CAPN3: variants seen among roughly 807,000 people sequenced by gnomAD.
The protein encoded by CAPN3 is calpain-3.
CAPN3 carries 88 observed loss-of-function variants against 114.0 expected under a neutral mutation model. That is an observed-to-expected ratio of 0.77 (90% confidence interval 0.65 to 0.92). CAPN3 has a LOEUF of 0.92. CAPN3 is among the 40% of genes least tolerant of loss of function. CAPN3 has a pLI of 0.00. For synonymous variants in CAPN3, 386 were observed against 382.9 expected, an observed-to-expected ratio of 1.01 and a Z score of -0.09; for missense variants, 1,028 against 1,069.0, an observed-to-expected ratio of 0.96 and a Z score of 0.53.
chr15:42,365,446 G>A (rs940783486), intron 1 of CAPN3, among the ~76,000 whole-genome samples: 2 of 152,052 alleles, frequency 1.3e-5, no homozygotes, highest in Non-Finnish European at 1.5e-5. Context: ...GTTTCTCATC[G>A]CAACCTTCTG....
intron 15 of CAPN3, among the ~76,000 whole-genome samples, chr15:42,407,340 G>GTT (rs28364521): frequency 2.6e-5 from 4 of 151,596 alleles, no homozygotes; most frequent in Non-Finnish European, 4.4e-5. Context: ...GATATTTTTG[G>GTT]TTTTTTTTGA....
intron 1 of CAPN3, 106 bp downstream of exon 1, chr15:42,360,220 C>G: frequency 8.3e-7 from 1 of 1,209,758 alleles, no homozygotes; most frequent in Non-Finnish European, 1.2e-6. Context: ...GGGGAAGGAT[C>G]CTGGCAGCAG....
intron 1 of CAPN3, among the ~76,000 whole-genome samples, chr15:42,378,178 T>G (rs1406017082): frequency 6.6e-6 from 1 of 152,232 alleles, no homozygotes; most frequent in African/African-American, 2.4e-5. Context: ...TGGGCATTTA[T>G]TTAGCACAGT....
rs2141199370 is a variant in CAPN3 at position 42,401,649 on chromosome 15, T to C, written c.1363T>C (p.Trp455Arg). ...GGCRNFPDTF[W>R]TNPQYRLKLL... is the part of the protein sequence containing the mutation. ...CCTTTCTGGGGGTGCAGATACTTTCTGGACCAACCCTCAGTACCGTCTGAA... is the reference window on the plus strand; with the variant it reads ...CCTTTCTGGGGGTGCAGATACTTTCCGGACCAACCCTCAGTACCGTCTGAA... The change falls in exon 11 of 24, where the codon TGG becomes CGG. Residue 455 changes from tryptophan to arginine, a missense_variant. Trp to Arg is a moderately radical substitution (Grantham distance 101). Coordinates refer to ENST00000397163, the MANE Select transcript of CAPN3 (RefSeq NM_000070.3). 1 of 1,614,192 alleles carries C rather than the reference T, an allele frequency of 6.2e-7. No individual in the cohort carries two copies.
chr15:42,390,993 A>C (rs1382741982), intron 6 of CAPN3, among the ~76,000 whole-genome samples: 1 of 151,628 alleles, frequency 6.6e-6, no homozygotes, highest in African/African-American at 2.4e-5. Context: ...GGGTTTCACC[A>C]TGTTGGCTGG....
rs757857841 is a variant in CAPN3, at chr15:42,401,777, C to T, written c.1491C>T (p.Ala497=). The T allele has an allele frequency of 2.5e-6, 4 of 1,613,984 alleles. No homozygotes were observed. The highest frequency in any genetic ancestry group is 2.5e-6 in the Non-Finnish European group (3 of 1,179,954). Residue 497 remains alanine (A), a synonymous_variant, in exon 11 of 24, where the codon GCC becomes GCT. Transcript: ENST00000397163. ...KNRRKDRKLG[A]SLFTIGFAIY... ...GGCGGAAGGACCGGAAGCTAGGGGC[C>T]AGTCTCTTCACCATTGGCTTCGCCA...
In CAPN3 at chr15:42,411,297, T is replaced by C. The variant is rs774434855; in HGVS notation, c.2391T>C (p.His797=). The C allele has an allele frequency of 3.1e-6, 5 of 1,614,168 alleles. No homozygotes were observed. In the South Asian group the frequency reaches 5.5e-5, roughly 18 times the overall value. The change falls in exon 23 of 24, where the codon CAT becomes CAC. Residue 797 remains histidine (H), a synonymous_variant. Transcript: ENST00000397163. ...TGCATTCTTTCACAGGAGCTTTTCA[T>C]GCATTTGACAAGGATGGAGATGGTA... ...VRLEGMFRAF[H]AFDKDGDGII...
At chr15:42,405,784 G>T in intron 14 of CAPN3, 142 bp from the exon 15 acceptor site, 2 of 663,666 alleles carry the variant, frequency 3.0e-6, no homozygotes, top group Non-Finnish European at 2.7e-6. Flanking sequence ...GCCCCTTTTT[G>T]GCTCCATGTG....
At chr15:42,410,833 G>C in intron 21 of CAPN3, 51 bp from the exon 22 acceptor site, 1 of 1,497,012 alleles carries the variant, frequency 6.7e-7, no homozygotes, top group Non-Finnish European at 9.3e-7. Flanking sequence ...ATAGAAGGCA[G>C]GCCCAAGGCC....
chr15:42,409,258 G>A (rs1351158551), intron 16 of CAPN3, 45 bp from the exon 17 acceptor site: 2 of 1,588,118 alleles, frequency 1.3e-6, no homozygotes, highest in Admixed American at 3.3e-5. Flanking sequence ...ACAGGCCTGT[G>A]CACCTCTGAC....
intron 16 of CAPN3, 179 bp downstream of exon 16, chr15:42,408,503 G>C: frequency 3.3e-6 from 2 of 610,388 alleles, no homozygotes; most frequent in South Asian, 3.1e-5. Context: ...TGCTGCTTGG[G>C]TGAATATCCC....
intron 14 of CAPN3, chr15:42,405,034 G>A (rs2141208090): frequency 2.0e-6 from 2 of 986,254 alleles, no homozygotes; most frequent in Non-Finnish European, 2.4e-6. Flanking sequence ...TTGACATTTC[G>A]CTCCAGTGTC....
chr15:42,410,051 G>C, intron 19 of CAPN3, 56 bp downstream of exon 19: 1 of 1,519,632 alleles, frequency 6.6e-7, no homozygotes, highest in Non-Finnish European at 9.1e-7. Context: ...GGGGGCCAAG[G>C]CAACATACAG....
At chr15:42,402,222 G>T (rs1174334699) in intron 12 of CAPN3, 87 bp downstream of exon 12, 3 of 1,606,422 alleles carry the variant, frequency 1.9e-6, no homozygotes, top group Admixed American at 1.7e-5. Flanking sequence ...AAGCTTCCTG[G>T]TGGGGTTTGT....
rs1305924023 is a variant in CAPN3 at position 42,374,134 on chromosome 15, C to G, written c.310-10349C>G. 2.0e-5 allele frequency: 3 copies of G among 152,758 alleles called. No individual in the cohort carries two copies. The East Asian group carries it at 5.8e-4, about 29-fold the overall frequency. The allele number at this position is 152,758 out of a possible 1,614,324, so 9.5% of individuals were successfully genotyped here. On this transcript the variant is annotated intron_variant, in intron 1 of 23. Transcript: ENST00000397163. The stretch of plus-strand genomic sequence containing the variant: ...GACCACGGGCTCAGGGGCCTCCAGT[C>G]AAAGCTGCTGACTCTGACCATGCAT...
chr15:42,402,941 G>A lies in CAPN3; in HGVS notation c.1684G>A (p.Glu562Lys), dbSNP rs760550297. ...SEYVIVPSTY[E>K]PHQEGEFILR... Reference sequence around the variant, plus strand: ...GTACGTCATCGTGCCCTCCACCTACGAGCCCCACCAGGAGGGGGAATTCAT... The same window carrying A: ...GTACGTCATCGTGCCCTCCACCTACAAGCCCCACCAGGAGGGGGAATTCAT... Residue 562 changes from glutamate to lysine, a missense_variant, in exon 13 of 24, where the codon GAG becomes AAG. Coordinates refer to ENST00000397163, the MANE Select transcript of CAPN3 (RefSeq NM_000070.3). 1.7e-5 allele frequency: 28 copies of A among 1,614,026 alleles called. No homozygotes were observed. Among genetic ancestry groups the A allele is most frequent in the Admixed American group, 3.3e-5 (2 of 60,008 alleles).
At chr15:42,392,922 GTTTATCT>G (rs1189365842) in intron 7 of CAPN3, among the ~76,000 whole-genome samples, 200 bp downstream of exon 7, 1 of 152,212 alleles carries the variant, frequency 6.6e-6, no homozygotes, top group Non-Finnish European at 1.5e-5. Context: ...TTGGTGCACA[GTTTATCT>G]TTGCTTTTCG....
chr15:42,398,624 C>CGTATAT (rs1213752137), intron 9 of CAPN3, among the ~76,000 whole-genome samples: 1 of 144,402 alleles, frequency 6.9e-6, no homozygotes, highest in African/African-American at 2.8e-5. Flanking sequence ...CACACACACA[C>CGTATAT]ACACACACAC....
intron 17 of CAPN3, 136 bp downstream of exon 17, chr15:42,409,516 GCA>G (rs1235038561): frequency 9.4e-6 from 9 of 955,512 alleles, no homozygotes; most frequent in Non-Finnish European, 1.5e-5. Flanking sequence ...TGTGTGCGTA[GCA>G]CACAAATCCA....
Sources: gnomAD v4.1 joint callset for allele counts (sites outside exome capture counted in the v4.1 genomes callset) on GRCh38, gnomAD v4.1.1 for gene constraint, MANE v1.5 for transcripts, NCBI Gene and HGNC (gene_info 2026-07-23, HGNC 2026-07-21) for gene names.